ASIC1: variants seen among roughly 807,000 people sequenced by gnomAD.
ASIC1 encodes the protein acid sensing ion channel subunit 1.
A neutral mutation model predicts 63.4 loss-of-function variants in ASIC1; 21 were observed. The observed-to-expected ratio is 0.33, with a 90% CI of 0.23 to 0.48. ASIC1 has a LOEUF of 0.48. ASIC1 is among the 20% of genes least tolerant of loss of function. The probability of loss-of-function intolerance (pLI) is 0.99; values close to 1 mark genes in which losing one functional copy is unlikely to be tolerated. For missense variants in ASIC1, 478 were observed against 695.5 expected, an observed-to-expected ratio of 0.69 and a Z score of 3.52; for synonymous variants, 258 against 278.2, an observed-to-expected ratio of 0.93 and a Z score of 0.72.
At position 50,080,545 on chromosome 12, in the gene ASIC1, A is replaced by G; in HGVS notation, c.1253A>G (p.Glu418Gly). ...ATTTTCTTTGAAGTCCTCAACTATG[A>G]GACCATTGAACAGAAGAAGGCCTAT... ...LDIFFEVLNYETIEQKKAYEI... is the reference protein window; with the variant it reads ...LDIFFEVLNYGTIEQKKAYEI... The change falls in exon 9 of 12, where the codon GAG becomes GGG. Residue 418 changes from glutamate (E) to glycine (G), a missense_variant. By Grantham distance (98) the Glu-to-Gly change is moderately conservative (BLOSUM62 -2). Around this residue, in one of 3 missense-constraint regions of ASIC1, gnomAD observed 84 missense variants for 183.5 expected, o/e 0.46. Transcript: ENST00000447966. The G allele has an allele frequency of 6.2e-7, 1 of 1,614,200 alleles. No individual in the cohort carries two copies. Among genetic ancestry groups the G allele is most frequent in the Middle Eastern group, 1.6e-4 (1 of 6,062 alleles).
Position 50,078,126 on chromosome 12 carries a change from G to T in ASIC1, c.836G>T (p.Arg279Leu), listed in dbSNP as rs745337911. ...FQTFVACQEQ[R>L]LIYLPPPWGT... is the part of the protein sequence containing the mutation. ...ACCTTTGTGGCCTGCCAGGAGCAGCGGGTGAGAGGGCCATGGGAGGCTGGT... is the reference window on the plus strand; with the variant it reads ...ACCTTTGTGGCCTGCCAGGAGCAGCTGGTGAGAGGGCCATGGGAGGCTGGT... The change falls in exon 5 of 12, where the codon CGG (arginine) becomes CTG (leucine). Residue 279 changes from arginine to leucine, a missense_variant and splice_region_variant. Physicochemically the swap from Arg to Leu is moderately radical, Grantham distance 102 (BLOSUM62 -2). This residue lies in a region of ASIC1 where 290 missense variants were observed against 414.9 expected (regional missense o/e 0.70). Transcript: ENST00000447966. The surrounding 1 kb of genome is among the most constrained non-coding windows in gnomAD (Gnocchi z 6.0). 6.2e-7 allele frequency: 1 copy of T among 1,612,200 alleles called. No individual in the cohort carries two copies. Among genetic ancestry groups the T allele is most frequent in the Non-Finnish European group, 8.5e-7 (1 of 1,179,062 alleles).
At chr12:50,070,333 G>A (rs1300256488) in intron 3 of ASIC1, among the ~76,000 whole-genome samples, 3 of 152,218 alleles carry the variant, frequency 2.0e-5, no homozygotes, top group Non-Finnish European at 4.4e-5. Context: ...ACAGGCGATG[G>A]AGGAGAGAGG....
chr12:50,074,727 C>T lies in ASIC1; in HGVS notation c.559-2486C>T, dbSNP rs1389582422. On this transcript the variant is annotated intron_variant, in intron 3 of 11. Coordinates refer to ENST00000447966, the MANE Select transcript of ASIC1 (RefSeq NM_001095.4). The surrounding 1 kb of genome is among the most constrained non-coding windows in gnomAD (Gnocchi z 4.2). ...ACAAGAGAAGGGAGTGAAAGGGTGA[C>T]AGTAGAGGGGTGGGGATATCCCCCA... Among the ~76,000 whole-genome samples, 1 of 152,008 alleles carries T rather than the reference C, an allele frequency of 6.6e-6. No homozygotes were observed. Among genetic ancestry groups the T allele is most frequent in the Non-Finnish European group, 1.5e-5 (1 of 67,992 alleles).
At chr12:50,069,455 G>A (rs1390873380) in intron 3 of ASIC1, among the ~76,000 whole-genome samples, 1 of 151,976 alleles carries the variant, frequency 6.6e-6, no homozygotes, top group African/African-American at 2.4e-5. Flanking sequence ...CACCATGCCT[G>A]GCTAATTTTT....
rs757327142 is a variant in ASIC1, at chr12:50,081,244, C to T, written c.1378-16C>T. 6.2e-7 allele frequency: 1 copy of T among 1,604,586 alleles called. No individual in the cohort carries two copies. ...GGCGGGGTCCAGCCCGCCCACCTGC[C>T]CCGTCCCCGTCCTAGGTCATTAAGC... On this transcript the variant is annotated splice_polypyrimidine_tract_variant and intron_variant, in intron 10 of 11. Coordinates refer to ENST00000447966, the MANE Select transcript of ASIC1 (RefSeq NM_001095.4).
chr12:50,058,948 G>C lies in ASIC1; in HGVS notation c.182G>C (p.Cys61Ser). 6.2e-7 allele frequency: 1 copy of C among 1,614,082 alleles called. No individual in the cohort carries two copies. The highest frequency in any genetic ancestry group is 8.5e-7 in the Non-Finnish European group (1 of 1,179,980). ...LGSLAVLLCVCTERVQYYFHY... is the reference protein window; with the variant it reads ...LGSLAVLLCVSTERVQYYFHY... The stretch of plus-strand genomic sequence containing the variant: ...TCCCTGGCTGTGCTGCTGTGTGTGT[G>C]CACGGAGCGTGTGCAGTACTACTTC... Residue 61 changes from cysteine to serine, a missense_variant, in exon 2 of 12, where the codon TGC becomes TCC. Physicochemically the swap from Cys to Ser is moderately radical, Grantham distance 112 (BLOSUM62 -1). Around this residue, in one of 3 missense-constraint regions of ASIC1, gnomAD observed 290 missense variants for 414.9 expected, o/e 0.70. Transcript: ENST00000447966.
At chr12:50,075,086 C>T (rs974377276) in intron 3 of ASIC1, among the ~76,000 whole-genome samples, 11 of 151,974 alleles carry the variant, frequency 7.2e-5, no homozygotes, top group Non-Finnish European at 1.5e-4. Context: ...CTCCTAAGTT[C>T]ATCTTCCAGG....
chr12:50,078,216 G>T lies in ASIC1; in HGVS notation c.837+89G>T. On this transcript the variant is annotated intron_variant, in intron 5 of 11. Transcript: ENST00000447966. The surrounding 1 kb of genome is among the most constrained non-coding windows in gnomAD (Gnocchi z 6.0). ...GCAATCAGTAATGGGAAGGACAGGT[G>T]AGCAAGGACCTGGGTGGTAATCTGG... is the stretch of plus-strand genomic sequence containing the variant. 1 of 1,547,096 alleles carries T rather than the reference G, an allele frequency of 6.5e-7. No individual in the cohort carries two copies. Among genetic ancestry groups the T allele is most frequent in the South Asian group, 1.3e-5 (1 of 79,848 alleles).
chr12:50,071,266 C>CCTTTTTTTT (rs1950596063), intron 3 of ASIC1, among the ~76,000 whole-genome samples: 1 of 119,820 alleles, frequency 8.3e-6, no homozygotes, highest in African/African-American at 3.3e-5. Flanking sequence ...TTGCTTTCAG[C>CCTTTTTTTT]TTTTTTTTTT....
At chr12:50,069,508 G>A (rs1950578634) in intron 3 of ASIC1, among the ~76,000 whole-genome samples, 2 of 152,072 alleles carry the variant, frequency 1.3e-5, no homozygotes, top group African/African-American at 2.4e-5. Flanking sequence ...TGGCCAGGCT[G>A]GTCTTGAACT....
chr12:50,067,003 G>A (rs1200857411), intron 3 of ASIC1, among the ~76,000 whole-genome samples: 1 of 152,122 alleles, frequency 6.6e-6, no homozygotes, highest in African/African-American at 2.4e-5. Context: ...AAACCCCATT[G>A]ACAATGAAAC....
intron 3 of ASIC1, among the ~76,000 whole-genome samples, chr12:50,061,867 T>C (rs1429028592): frequency 6.6e-6 from 1 of 152,160 alleles, no homozygotes; most frequent in Admixed American, 6.5e-5. Flanking sequence ...AGTAGTCAGA[T>C]GGAGATGTGA....
rs758875124 is a variant in ASIC1, at chr12:50,081,375, G to A, written c.1482+11G>A. On this transcript the variant is annotated intron_variant, in intron 11 of 11. Transcript: ENST00000447966. ...GACGTCAAAAGACACGTGAGGGAGC[G>A]AGCGAGGGCGCCCTCCAGCCCGCCT... 21 of 1,575,944 alleles carry A rather than the reference G, an allele frequency of 1.3e-5. No individual in the cohort carries two copies. The highest frequency in any genetic ancestry group is 1.7e-5 in the Non-Finnish European group (20 of 1,160,840).
chr12:50,070,239 A>T (rs1021361296), intron 3 of ASIC1, among the ~76,000 whole-genome samples: 9 of 152,120 alleles, frequency 5.9e-5, no homozygotes, highest in Non-Finnish European at 1.3e-4. Flanking sequence ...ATGCCCTTTG[A>T]CACTTTCCTC....
In ASIC1 at chr12:50,059,680, G is replaced by C; in HGVS notation, c.363-79G>C. The C allele has an allele frequency of 2.8e-6, 4 of 1,453,770 alleles. No individual in the cohort carries two copies. Among genetic ancestry groups the C allele is most frequent in the Non-Finnish European group, 3.7e-6 (4 of 1,066,734 alleles). 90.1% of individuals were successfully genotyped at this position (1,453,770 alleles called of 1,614,324 possible). ...CCTGGGACTGATCCCCAGGGCTGGA[G>C]GCTGCCCCCATCACCCAAGTTGGGT... is the stretch of plus-strand genomic sequence containing the variant. On this transcript the variant is annotated intron_variant, in intron 2 of 11. Coordinates refer to ENST00000447966, the MANE Select transcript of ASIC1 (RefSeq NM_001095.4). This position sits in a 1 kb window ranked among gnomAD's most constrained non-coding sequence, Gnocchi z 4.6.
chr12:50,074,196 C>T lies in ASIC1; in HGVS notation c.559-3017C>T, dbSNP rs1481246412. On this transcript the variant is annotated intron_variant, in intron 3 of 11. Coordinates refer to ENST00000447966, the MANE Select transcript of ASIC1 (RefSeq NM_001095.4). This position sits in a 1 kb window ranked among gnomAD's most constrained non-coding sequence, Gnocchi z 4.2. Reference sequence around the variant, plus strand: ...GCCACCGGCTGGAGGACATGCTGCTCTATTGCTCCTACCAAGGGGGACCCT... The same window carrying T: ...GCCACCGGCTGGAGGACATGCTGCTTTATTGCTCCTACCAAGGGGGACCCT... The T allele has an allele frequency of 7.2e-6, 11 of 1,526,594 alleles. No individual in the cohort carries two copies. The highest frequency in any genetic ancestry group is 2.7e-5 in the African/African-American group (2 of 72,864). The allele number at this position is 1,526,594 out of a possible 1,614,324, so 94.6% of individuals were successfully genotyped here.
chr12:50,069,698 T>A (rs1950580152), intron 3 of ASIC1, among the ~76,000 whole-genome samples: 1 of 150,268 alleles, frequency 6.7e-6, no homozygotes, highest in Non-Finnish European at 1.5e-5. Context: ...TCTGATAGAG[T>A]CATTTTTTTT....
intron 3 of ASIC1, among the ~76,000 whole-genome samples, chr12:50,070,184 C>CTG (rs1565728171): frequency 6.6e-6 from 1 of 152,104 alleles, no homozygotes; most frequent in African/African-American, 2.4e-5. Context: ...GAGTGCAGCT[C>CTG]TGTGTGTGTG....
At chr12:50,081,498 A>C in intron 11 of ASIC1, 47 bp from the exon 12 acceptor site, 1 of 1,601,596 alleles carries the variant, frequency 6.2e-7, no homozygotes, top group Non-Finnish European at 8.5e-7. Context: ...CACTACCTGA[A>C]GCCCTTCCGA....
Sources: allele counts gnomAD v4.1 joint callset (sites outside exome capture counted in the v4.1 genomes callset), GRCh38; gene constraint gnomAD v4.1.1; regional missense constraint gnomAD v4.1.1; non-coding constraint Gnocchi (gnomAD v3.1); transcripts MANE v1.5; gene names NCBI Gene and HGNC (gene_info 2026-07-23, HGNC 2026-07-21).